TBCK: variants seen among roughly 807,000 people sequenced by gnomAD.
TBCK encodes the protein TBC domain-containing protein kinase-like protein.
Under a neutral mutation model 113.4 loss-of-function variants are expected in TBCK, and 99 were observed. The ratio of observed to expected loss-of-function variants is 0.87; its 90% CI spans 0.74 to 1.03. The LOEUF (loss-of-function observed/expected upper bound fraction) is 1.03. Ranked by LOEUF, TBCK falls within the 50% of genes least tolerant of loss-of-function variation. The pLI is 0.00. For missense variants in TBCK, 1,045 were observed against 1,061.3 expected (o/e 0.98, Z 0.21); for synonymous variants, 369 against 370.8 (o/e 1.00, Z 0.05).
At chr4:106,114,797 GT>G (rs1338575160) in intron 24 of TBCK, among the ~76,000 whole-genome samples, 2 of 152,268 alleles carry the variant, frequency 1.3e-5, no homozygotes, top group East Asian at 3.9e-4. Flanking sequence ...AAATTAAAAA[GT>G]TAAAAACATT....
At chr4:106,216,160 G>A (rs1756886121) in intron 19 of TBCK, among the ~76,000 whole-genome samples, 1 of 151,772 alleles carries the variant, frequency 6.6e-6, no homozygotes, top group African/African-American at 2.4e-5. Flanking sequence ...GATGTTCTTT[G>A]AAACCAACGA....
intron 3 of TBCK, among the ~76,000 whole-genome samples, chr4:106,270,883 C>T (rs1223075998): frequency 6.6e-6 from 1 of 152,124 alleles, no homozygotes; most frequent in Non-Finnish European, 1.5e-5. Context: ...TTTACCACGT[C>T]CCTTGTATTT....
At chr4:106,284,336 G>C (rs1180143762) in intron 3 of TBCK, among the ~76,000 whole-genome samples, 3 of 152,196 alleles carry the variant, frequency 2.0e-5, no homozygotes, top group South Asian at 4.1e-4. Flanking sequence ...ATTCCAGAAT[G>C]TGTCCAAATT....
chr4:106,219,851 A>G (rs1457351586), intron 19 of TBCK, among the ~76,000 whole-genome samples: 5 of 152,180 alleles, frequency 3.3e-5, no homozygotes, highest in African/African-American at 1.2e-4. Context: ...TGAAATGACA[A>G]TAACATCATA....
intron 23 of TBCK, among the ~76,000 whole-genome samples, chr4:106,143,913 TAAAA>T (rs561608123): frequency 1.7e-5 from 2 of 114,502 alleles, no homozygotes; most frequent in Non-Finnish European, 1.8e-5. Flanking sequence ...AAACTCTGTC[TAAAA>T]AAAAAAAAAA....
intron 24 of TBCK, among the ~76,000 whole-genome samples, chr4:106,106,572 A>T (rs1742187246): frequency 6.6e-6 from 1 of 152,192 alleles, no homozygotes; most frequent in African/African-American, 2.4e-5. Context: ...AAGAAATAAG[A>T]TCCTTTTCAG....
chr4:106,054,535 C>A, intron 25 of TBCK, among the ~76,000 whole-genome samples: 1 of 151,732 alleles, frequency 6.6e-6, no homozygotes. Flanking sequence ...ATATATATAT[C>A]TAAACTATAT....
At chr4:106,143,837 C>G (rs978725244) in intron 23 of TBCK, among the ~76,000 whole-genome samples, 1 of 151,832 alleles carries the variant, frequency 6.6e-6, no homozygotes, top group African/African-American at 2.4e-5. Context: ...TCGCTTGAAC[C>G]CAGGAGGCAG....
At chr4:106,313,079 A>C (rs1447777123) in intron 1 of TBCK, among the ~76,000 whole-genome samples, 3 of 152,256 alleles carry the variant, frequency 2.0e-5, no homozygotes, top group Non-Finnish European at 4.4e-5. Context: ...ATATGTATCA[A>C]ATTTTATCTC....
intron 1 of TBCK, among the ~76,000 whole-genome samples, chr4:106,312,161 T>G (rs1194381387): frequency 6.6e-6 from 1 of 152,124 alleles, no homozygotes; most frequent in Admixed American, 6.5e-5. Flanking sequence ...ATTATTTACA[T>G]CTGTCTGTAT....
In TBCK at chr4:106,044,097, A is replaced by G. The variant is rs571669541; in HGVS notation, c.*2473T>C. 1 of 152,298 alleles carries G rather than the reference A, an allele frequency of 6.6e-6. No individual in the cohort carries two copies. Among genetic ancestry groups the G allele is most frequent in the African/African-American group, 2.4e-5 (1 of 41,578 alleles). The allele number at this position is 152,298 out of a possible 1,614,324, so 9.4% of individuals were successfully genotyped here. On this transcript the variant is annotated 3_prime_UTR_variant, in exon 26 of 26. Coordinates refer to ENST00000394708, the MANE Select transcript of TBCK (RefSeq NM_001163435.3). Reference sequence around the variant, plus strand: ...AAGAAAGATCAAATGCAAAATCATGACAGAGGGTTGCTACTATTATCTTCT... The same window carrying G: ...AAGAAAGATCAAATGCAAAATCATGGCAGAGGGTTGCTACTATTATCTTCT...
At chr4:106,134,767 G>A (rs1746365261) in intron 23 of TBCK, among the ~76,000 whole-genome samples, 1 of 152,180 alleles carries the variant, frequency 6.6e-6, no homozygotes. Context: ...TACTTCAGCA[G>A]AAGACATTAA....
intron 1 of TBCK, among the ~76,000 whole-genome samples, chr4:106,315,355 G>A (rs1188781092): frequency 6.6e-6 from 1 of 152,024 alleles, no homozygotes; most frequent in Non-Finnish European, 1.5e-5. Flanking sequence ...TAAAAAATAG[G>A]GCAAAAGACG....
intron 2 of TBCK, among the ~76,000 whole-genome samples, chr4:106,299,969 C>T (rs890084079): frequency 6.6e-6 from 1 of 152,124 alleles, no homozygotes; most frequent in African/African-American, 2.4e-5. Flanking sequence ...GTGTTCCCAC[C>T]CAAATCTCAT....
chr4:106,245,531 T>C (rs964843495), intron 10 of TBCK, among the ~76,000 whole-genome samples: 2 of 152,172 alleles, frequency 1.3e-5, no homozygotes, highest in Non-Finnish European at 2.9e-5. Flanking sequence ...CCAGTCACTC[T>C]AGACAAAGTG....
intron 22 of TBCK, among the ~76,000 whole-genome samples, chr4:106,190,139 T>C (rs1171438569): frequency 2.0e-5 from 3 of 152,188 alleles, no homozygotes; most frequent in Non-Finnish European, 1.5e-5. Flanking sequence ...TTAAGTCTTA[T>C]AGTTTCAAAA....
chr4:106,094,062 T>G (rs936469272), intron 25 of TBCK, among the ~76,000 whole-genome samples: 1 of 152,160 alleles, frequency 6.6e-6, no homozygotes, highest in Admixed American at 6.5e-5. Context: ...AAGCAAAAAC[T>G]TAAAAGACTT....
intron 25 of TBCK, among the ~76,000 whole-genome samples, chr4:106,088,723 G>T (rs1350954700): frequency 6.6e-6 from 1 of 152,110 alleles, no homozygotes; most frequent in African/African-American, 2.4e-5. Context: ...ACTGGATAAA[G>T]AAAACCATGG....
intron 16 of TBCK, among the ~76,000 whole-genome samples, chr4:106,233,351 G>A (rs1347672090): frequency 6.6e-6 from 1 of 151,942 alleles, no homozygotes; most frequent in Non-Finnish European, 1.5e-5. Flanking sequence ...TCCAAATGAA[G>A]GGCAAATTTT....
Sources: gnomAD v4.1 joint callset for allele counts (sites outside exome capture counted in the v4.1 genomes callset) on GRCh38, gnomAD v4.1.1 for gene constraint, MANE v1.5 for transcripts, NCBI Gene and HGNC (gene_info 2026-07-23, HGNC 2026-07-21) for gene names.